The following CLVS1 variants were observed in gnomAD, a reference collection of about 807,000 sequenced individuals.
CLVS1 encodes clavesin-1.
In CLVS1, 10 loss-of-function variants were observed where a neutral mutation model predicts 33.1. The ratio of observed to expected loss-of-function variants is 0.30; its 90% CI spans 0.19 to 0.51. The LOEUF (loss-of-function observed/expected upper bound fraction) is 0.51. CLVS1 is among the 20% of genes least tolerant of loss of function. The pLI is 0.97. For missense variants in CLVS1, 343 were observed against 433.4 expected (o/e 0.79, Z 1.85); for synonymous variants, 163 against 166.1 (o/e 0.98, Z 0.14).
At chr8:61,118,794 A>T (rs1465109177) in intron 1 of CLVS1, among the ~76,000 whole-genome samples, 1 of 152,138 alleles carries the variant, frequency 6.6e-6, no homozygotes, top group Non-Finnish European at 1.5e-5. Flanking sequence ...ACTTCCAACT[A>T]TGTGGTCAGT....
intron 2 of CLVS1, among the ~76,000 whole-genome samples, chr8:61,366,880 C>T (rs1431742387): frequency 6.6e-6 from 1 of 152,132 alleles, no homozygotes; most frequent in Non-Finnish European, 1.5e-5. Context: ...CTGAGTAACC[C>T]TTGACAGCCC....
the CLVS1 span, among the ~76,000 whole-genome samples, chr8:61,030,014 G>A: frequency 6.6e-5 from 10 of 152,286 alleles, no homozygotes; most frequent in African/African-American, 2.4e-4. Context: ...AGTCCCAGGC[G>A]CCACTGGAGG....
At chr8:61,136,167 C>A (rs1468945681) in intron 2 of CLVS1, among the ~76,000 whole-genome samples, 1 of 152,240 alleles carries the variant, frequency 6.6e-6, no homozygotes, top group East Asian at 1.9e-4. Context: ...TGTTCCTGGA[C>A]TGCAGTTTCT....
chr8:61,098,986 C>T (rs1367084810), intron 1 of CLVS1, among the ~76,000 whole-genome samples: 1 of 152,100 alleles, frequency 6.6e-6, no homozygotes, highest in Non-Finnish European at 1.5e-5. Flanking sequence ...TCACTTAGAG[C>T]CTTCCTAGTC....
intron 2 of CLVS1, among the ~76,000 whole-genome samples, chr8:61,203,801 G>T (rs1807787444): frequency 6.6e-6 from 1 of 152,164 alleles, no homozygotes; most frequent in Non-Finnish European, 1.5e-5. Context: ...CCCTTACACA[G>T]ATTGCTAGCA....
intron 2 of CLVS1, among the ~76,000 whole-genome samples, chr8:61,148,453 C>T (rs1054774383): frequency 2.0e-5 from 3 of 152,208 alleles, no homozygotes; most frequent in Non-Finnish European, 2.9e-5. Context: ...CACAAGGCTC[C>T]TACCCTTGCC....
Position 61,238,258 on chromosome 8 carries a change from TC to T in CLVS1, c.-151-61417del, listed in dbSNP as rs1167204841. 9.0e-4 allele frequency among the ~76,000 whole-genome samples: 137 copies of T among 151,890 alleles called. 2 individuals carry two copies. The highest frequency in any genetic ancestry group is 5.6e-4 in the Non-Finnish European group (38 of 67,922). ...TGCAGTTTTTGTTCCTTCCTTCCTT[TC>T]CTCCCTCTAGCCTTCCTTCTGTCCA... is the stretch of plus-strand genomic sequence containing the variant. On this transcript the variant is annotated intron_variant, in intron 2 of 2. Transcript: ENST00000522621.
chr8:61,173,482 A>G (rs563417976), intron 2 of CLVS1, among the ~76,000 whole-genome samples: 1 of 152,256 alleles, frequency 6.6e-6, no homozygotes, highest in East Asian at 1.9e-4. Flanking sequence ...GTAGGCATTT[A>G]ATGCTGTGAA....
At chr8:61,144,058 C>CAT (rs35432459) in intron 2 of CLVS1, among the ~76,000 whole-genome samples, 26,476 of 150,584 alleles carry the variant, frequency 0.18, 2,423 homozygotes, top group Admixed American at 0.26. Context: ...TATATATATA[C>CAT]ATATATATAT....
chr8:61,252,127 C>T (rs571637562), intron 2 of CLVS1, among the ~76,000 whole-genome samples: 19 of 152,234 alleles, frequency 1.2e-4, no homozygotes, highest in Admixed American at 1.2e-3. Flanking sequence ...TCTTCATTCT[C>T]ATCAGTTTCA....
intron 2 of CLVS1, among the ~76,000 whole-genome samples, chr8:61,194,309 C>T (rs1807557477): frequency 1.3e-5 from 2 of 151,824 alleles, no homozygotes; most frequent in South Asian, 4.1e-4. Context: ...TGAAAAAATG[C>T]ACATCTAAAA....
intron 1 of CLVS1, among the ~76,000 whole-genome samples, chr8:61,288,968 G>C (rs1809879321): frequency 6.6e-6 from 1 of 152,186 alleles, no homozygotes; most frequent in Admixed American, 6.5e-5. Flanking sequence ...AAGAAAGGGG[G>C]CTCTCATTCG....
At chr8:61,089,833 G>A (rs1283071305) in intron 1 of CLVS1, among the ~76,000 whole-genome samples, 2 of 152,136 alleles carry the variant, frequency 1.3e-5, no homozygotes, top group Admixed American at 6.5e-5. Flanking sequence ...GAGGCAGGAG[G>A]GTTGCTCGAG....
chr8:61,009,172 T>C, the CLVS1 span, among the ~76,000 whole-genome samples: 4 of 146,070 alleles, frequency 2.7e-5, no homozygotes, highest in Non-Finnish European at 1.5e-5. Context: ...CTCTTAAAAA[T>C]TTTTTTTTTT....
At position 61,310,503 on chromosome 8, in the gene CLVS1, C is replaced by G. The variant is rs115005911; in HGVS notation, c.455+10221C>G. 5.1e-3 allele frequency among the ~76,000 whole-genome samples: 781 copies of G among 152,296 alleles called. 7 individuals are homozygous for G. The highest frequency in any genetic ancestry group is 0.017 in the African/African-American group (715 of 41,568). ...TCACCAAATCTGGGGGCTGCAAAAT[C>G]AGACATTAACGACAGGTCTCCATGA... On this transcript the variant is annotated intron_variant, in intron 2 of 5. Coordinates refer to ENST00000325897, the MANE Select transcript of CLVS1 (RefSeq NM_173519.3).
At chr8:61,232,195 C>A (rs533201255) in intron 2 of CLVS1, among the ~76,000 whole-genome samples, 1 of 151,542 alleles carries the variant, frequency 6.6e-6, no homozygotes, top group African/African-American at 2.4e-5. Flanking sequence ...CAACCATGCC[C>A]GGCTAATTTT....
At chr8:61,049,378 A>G in the CLVS1 span, among the ~76,000 whole-genome samples, 5 of 152,244 alleles carry the variant, frequency 3.3e-5, no homozygotes, top group Non-Finnish European at 7.3e-5. Context: ...ATATCAATTT[A>G]TCTCCCTTTC....
intron 2 of CLVS1, among the ~76,000 whole-genome samples, chr8:61,329,484 T>A (rs963517659): frequency 6.6e-6 from 1 of 152,192 alleles, no homozygotes; most frequent in Non-Finnish European, 1.5e-5. Flanking sequence ...GTTAATCAGT[T>A]GGACATTTCA....
At chr8:60,978,782 C>T in the CLVS1 span, among the ~76,000 whole-genome samples, 2 of 134,026 alleles carry the variant, frequency 1.5e-5, no homozygotes, top group African/African-American at 5.7e-5. Context: ...TGCACTCCAG[C>T]CTGTGTGACA....
Sources: gnomAD v4.1 joint callset for allele counts (sites outside exome capture counted in the v4.1 genomes callset) on GRCh38, gnomAD v4.1.1 for gene constraint, MANE v1.5 for transcripts, NCBI Gene and HGNC (gene_info 2026-07-23, HGNC 2026-07-21) for gene names.